The following MLIP variants were observed in gnomAD, a reference collection of about 807,000 sequenced individuals.
MLIP encodes the protein muscular LMNA-interacting protein.
MLIP carries 79 observed loss-of-function variants against 84.8 expected under a neutral mutation model. The observed-to-expected ratio is 0.93, with a 90% confidence interval of 0.78 to 1.12. MLIP has a LOEUF of 1.12. MLIP is among the 50% of genes most tolerant of loss of function. MLIP has a pLI of 0.00. For missense variants in MLIP, 1,257 were observed against 1,160.6 expected (o/e 1.08, Z -1.21); for synonymous variants, 504 against 463.0 (o/e 1.09, Z -1.14).
intron 1 of MLIP, among the ~76,000 whole-genome samples, chr6:54,075,008 G>A (rs1469784911): frequency 2.6e-5 from 4 of 152,230 alleles, no homozygotes; most frequent in South Asian, 2.1e-4. Flanking sequence ...AGCACTTTGG[G>A]AGGCCGAGGT....
intron 1 of MLIP, among the ~76,000 whole-genome samples, chr6:54,048,642 C>T (rs1298550895): frequency 6.6e-6 from 1 of 152,146 alleles, no homozygotes; most frequent in Non-Finnish European, 1.5e-5. Context: ...ATGTTCAAGG[C>T]ATAGGTTAAA....
chr6:54,230,575 T>A, intron 11 of MLIP, 139 bp from the exon 12 acceptor site: 2 of 745,142 alleles, frequency 2.7e-6, no homozygotes, highest in South Asian at 3.3e-5. Context: ...AGTTGTCTCA[T>A]GAGGGACACC....
At chr6:54,150,382 GT>G (rs1399443193) in intron 5 of MLIP, among the ~76,000 whole-genome samples, 1 of 152,154 alleles carries the variant, frequency 6.6e-6, no homozygotes, top group Non-Finnish European at 1.5e-5. Context: ...ACTTCTGGAG[GT>G]TGTGGAAAGG....
intron 1 of MLIP, among the ~76,000 whole-genome samples, chr6:54,054,504 T>A (rs573649879): frequency 2.6e-5 from 4 of 151,802 alleles, no homozygotes; most frequent in African/African-American, 7.3e-5. Context: ...TGTAATGGAA[T>A]GTGAACTGAA....
chr6:54,179,192 T>G (rs1776601214), intron 9 of MLIP, among the ~76,000 whole-genome samples: 1 of 152,226 alleles, frequency 6.6e-6, no homozygotes. Context: ...TGGTATCTAT[T>G]GTGTCTGATC....
intron 3 of MLIP, among the ~76,000 whole-genome samples, chr6:54,135,159 C>A (rs528714103): frequency 8.1e-4 from 123 of 152,070 alleles, no homozygotes; most frequent in Non-Finnish European, 1.5e-3. Context: ...ATATCTCTAA[C>A]CAAATGCATC....
chr6:54,055,907 G>C (rs1179192305), intron 1 of MLIP, among the ~76,000 whole-genome samples: 2 of 152,024 alleles, frequency 1.3e-5, no homozygotes, highest in African/African-American at 2.4e-5. Flanking sequence ...GGCAATTCCT[G>C]CTTTCATGAA....
intron 13 of MLIP, chr6:54,261,879 G>T: frequency 3.2e-6 from 1 of 315,102 alleles, no homozygotes; most frequent in Non-Finnish European, 4.6e-6. Context: ...ATCTTGGATT[G>T]CTGAGAGTTG....
At chr6:54,133,347 C>A (rs1393043793) in intron 3 of MLIP, among the ~76,000 whole-genome samples, 1 of 152,154 alleles carries the variant, frequency 6.6e-6, no homozygotes, top group Non-Finnish European at 1.5e-5. Flanking sequence ...TACAAGCATT[C>A]ATCAGAGAGA....
At chr6:54,225,503 G>A (rs2150784637) in intron 11 of MLIP, among the ~76,000 whole-genome samples, 1 of 152,292 alleles carries the variant, frequency 6.6e-6, no homozygotes, top group South Asian at 2.1e-4. Context: ...GAGAGTTGTA[G>A]ACTATAGTAA....
rs770975370 is a variant in MLIP, at chr6:54,124,828, T to C, written c.608T>C (p.Met203Thr). The change falls in exon 3 of 14, where the codon ATG (methionine) becomes ACG (threonine). Residue 203 changes from methionine to threonine, a missense_variant. Physicochemically the swap from Met to Thr is moderately conservative, Grantham distance 81. Transcript: ENST00000502396. ...TDLKTSSHPE[M>T]LHGMAPQQKH... ...CTCAAGACCTCATCACATCCTGAAA[T>C]GCTTCATGGGATGGCCCCTCAGCAA... The C allele has an allele frequency of 5.6e-6, 9 of 1,608,108 alleles. No individual in the cohort carries two copies. Among genetic ancestry groups the C allele is most frequent in the Non-Finnish European group, 6.8e-6 (8 of 1,176,958 alleles).
At chr6:54,177,585 C>T (rs1205926887) in intron 9 of MLIP, among the ~76,000 whole-genome samples, 1 of 152,160 alleles carries the variant, frequency 6.6e-6, no homozygotes, top group Non-Finnish European at 1.5e-5. Context: ...AATGCTTTTA[C>T]ACTGTTGGTG....
At chr6:54,141,467 C>T (rs559892448) in intron 4 of MLIP, among the ~76,000 whole-genome samples, 7 of 152,010 alleles carry the variant, frequency 4.6e-5, no homozygotes, top group East Asian at 3.9e-4. Context: ...CCATAACATC[C>T]GGCTAATTTT....
chr6:54,151,616 T>C (rs1477603670), intron 5 of MLIP, among the ~76,000 whole-genome samples: 1 of 152,132 alleles, frequency 6.6e-6, no homozygotes, highest in African/African-American at 2.4e-5. Context: ...AGACTCATTA[T>C]AATACTTGGG....
chr6:54,149,638 G>A (rs1773229376), intron 5 of MLIP, among the ~76,000 whole-genome samples: 1 of 151,950 alleles, frequency 6.6e-6, no homozygotes. Flanking sequence ...ATTCCATTGT[G>A]GACTAAACCT....
At chr6:54,146,314 A>G (rs988171944) in intron 4 of MLIP, among the ~76,000 whole-genome samples, 1 of 152,200 alleles carries the variant, frequency 6.6e-6, no homozygotes, top group Non-Finnish European at 1.5e-5. Context: ...CATGGAGGTG[A>G]TGATTTGATG....
intron 8 of MLIP, among the ~76,000 whole-genome samples, chr6:54,162,075 G>A (rs1774698940): frequency 6.6e-6 from 1 of 151,856 alleles, no homozygotes; most frequent in South Asian, 2.1e-4. Context: ...CTACATTTAA[G>A]GCAATTTTTC....
intron 1 of MLIP, among the ~76,000 whole-genome samples, chr6:54,063,721 C>T (rs904639947): frequency 9.8e-5 from 14 of 143,132 alleles, no homozygotes; most frequent in African/African-American, 3.1e-4. Flanking sequence ...AGGTCAGTGG[C>T]GTGTGTGTGT....
intron 1 of MLIP, among the ~76,000 whole-genome samples, chr6:54,062,880 T>G (rs1766043707): frequency 6.6e-6 from 1 of 152,158 alleles, no homozygotes; most frequent in African/African-American, 2.4e-5. Context: ...GTCAAATAAA[T>G]CAATTAATGT....
Sources: gnomAD v4.1 joint callset for allele counts (sites outside exome capture counted in the v4.1 genomes callset) on GRCh38, gnomAD v4.1.1 for gene constraint, MANE v1.5 for transcripts, NCBI Gene and HGNC (gene_info 2026-07-23, HGNC 2026-07-21) for gene names.